The following DSCAM variants were observed in gnomAD, a reference collection of about 807,000 sequenced individuals.
DSCAM encodes DS cell adhesion molecule, also known as cell adhesion molecule DSCAM.
A neutral mutation model predicts 217.7 loss-of-function variants in DSCAM; 47 were observed. The ratio of observed to expected loss-of-function variants is 0.22; its 90% confidence interval spans 0.17 to 0.28. The LOEUF is 0.28. Among genes scored for constraint, DSCAM ranks in the 10% least tolerant of loss-of-function variants. The pLI is 1.00. For missense variants in DSCAM, 2,080 were observed against 2,618.3 expected, an observed-to-expected ratio of 0.79 and a Z score of 4.49; for synonymous variants, 1,056 against 1,015.3, an observed-to-expected ratio of 1.04 and a Z score of -0.76.
intron 3 of DSCAM, among the ~76,000 whole-genome samples, chr21:40,575,651 G>T (rs1251652887): frequency 1.3e-5 from 2 of 152,028 alleles, no homozygotes; most frequent in African/African-American, 2.4e-5. Flanking sequence ...AAAAATAAAA[G>T]AATTAGGCTT....
At chr21:40,488,934 A>G (rs1015790683) in intron 3 of DSCAM, among the ~76,000 whole-genome samples, 2 of 152,218 alleles carry the variant, frequency 1.3e-5, no homozygotes, top group Admixed American at 6.5e-5. Context: ...AAAGAATATT[A>G]TAGGAGATTC....
At chr21:40,698,701 T>C (rs7280213) in intron 2 of DSCAM, among the ~76,000 whole-genome samples, 151,887 of 151,894 alleles carry the variant, frequency 1, 75,940 homozygotes, top group Middle Eastern at 1. Flanking sequence ...GAAACCCCAT[T>C]TTTACTAAAA....
intron 9 of DSCAM, among the ~76,000 whole-genome samples, chr21:40,303,187 C>A (rs2074035368): frequency 6.6e-6 from 1 of 152,084 alleles, no homozygotes. Flanking sequence ...GACAATTAAA[C>A]CTATTGCTTT....
chr21:40,482,836 G>T (rs2075994378), intron 3 of DSCAM, among the ~76,000 whole-genome samples: 1 of 152,176 alleles, frequency 6.6e-6, no homozygotes, highest in Non-Finnish European at 1.5e-5. Context: ...TAGAGAAGGT[G>T]GAATGAGGTG....
intron 3 of DSCAM, among the ~76,000 whole-genome samples, chr21:40,534,875 G>T (rs963282189): frequency 3.3e-5 from 5 of 152,038 alleles, no homozygotes; most frequent in African/African-American, 9.7e-5. Flanking sequence ...CGGTTGTAAT[G>T]ATTTCTCCCA....
chr21:40,705,897 G>A (rs1299875702), intron 2 of DSCAM, among the ~76,000 whole-genome samples: 1 of 152,156 alleles, frequency 6.6e-6, no homozygotes, highest in Non-Finnish European at 1.5e-5. Context: ...TTAGAAAGCA[G>A]TTTGTGGCCG....
intron 3 of DSCAM, among the ~76,000 whole-genome samples, chr21:40,440,130 G>A (rs1379541305): frequency 6.6e-6 from 1 of 152,236 alleles, no homozygotes; most frequent in East Asian, 1.9e-4. Flanking sequence ...AGTGGCCATG[G>A]TGAGATAGCA....
chr21:40,339,477 A>G (rs1477454999), intron 6 of DSCAM, 62 bp from the exon 7 acceptor site: 37 of 1,449,378 alleles, frequency 2.6e-5, no homozygotes, highest in Non-Finnish European at 3.3e-5. Flanking sequence ...ACTTCCAAGT[A>G]TATGTCTTTC....
At chr21:40,469,999 C>A (rs769401146) in intron 3 of DSCAM, among the ~76,000 whole-genome samples, 7 of 152,164 alleles carry the variant, frequency 4.6e-5, no homozygotes, top group Non-Finnish European at 1.0e-4. Context: ...TCTATTCCAA[C>A]ATGTTTAAAA....
intron 3 of DSCAM, among the ~76,000 whole-genome samples, chr21:40,415,448 T>C (rs1297623841): frequency 1.3e-5 from 2 of 152,150 alleles, no homozygotes; most frequent in Non-Finnish European, 2.9e-5. Context: ...GAATATGAGG[T>C]AGACAAACTA....
chr21:40,498,668 C>CATATATATAT (rs1284319297), intron 3 of DSCAM, among the ~76,000 whole-genome samples: 1 of 28,536 alleles, frequency 3.5e-5, no homozygotes. Flanking sequence ...TATATATACC[C>CATATATATAT]ATATATATAT....
intron 11 of DSCAM, among the ~76,000 whole-genome samples, chr21:40,273,557 A>G (rs2837545): frequency 6.6e-6 from 1 of 151,910 alleles, no homozygotes; most frequent in African/African-American, 2.4e-5. Flanking sequence ...GGAATACCCT[A>G]TCTAGCCTCA....
At chr21:40,130,834 T>G (rs2146684197) in intron 19 of DSCAM, among the ~76,000 whole-genome samples, 1 of 152,354 alleles carries the variant, frequency 6.6e-6, no homozygotes, top group South Asian at 2.1e-4. Flanking sequence ...TTTGCCTTTA[T>G]TAGGGTTAAG....
At chr21:40,415,943 G>A (rs569725602) in intron 3 of DSCAM, among the ~76,000 whole-genome samples, 1 of 152,100 alleles carries the variant, frequency 6.6e-6, no homozygotes, top group African/African-American at 2.4e-5. Context: ...TCTATTTTTA[G>A]GCAGAAAAAA....
chr21:40,807,895 C>G (rs1403837189), intron 1 of DSCAM, among the ~76,000 whole-genome samples: 1 of 152,192 alleles, frequency 6.6e-6, no homozygotes, highest in Non-Finnish European at 1.5e-5. Flanking sequence ...TCATGAACCA[C>G]AGTGACTTTT....
intron 3 of DSCAM, among the ~76,000 whole-genome samples, chr21:40,537,346 T>C (rs574406196): frequency 6.6e-6 from 1 of 152,282 alleles, no homozygotes; most frequent in South Asian, 2.1e-4. Context: ...TGCTGCCTTC[T>C]CCTCTTGCAA....
At chr21:40,455,362 T>A (rs991688265) in intron 3 of DSCAM, among the ~76,000 whole-genome samples, 1 of 151,884 alleles carries the variant, frequency 6.6e-6, no homozygotes, top group African/African-American at 2.4e-5. Flanking sequence ...ATATAAGCTA[T>A]CAGAATACTT....
chr21:40,639,061 C>G (rs2089844055), intron 3 of DSCAM, among the ~76,000 whole-genome samples: 1 of 144,768 alleles, frequency 6.9e-6, no homozygotes, highest in Non-Finnish European at 1.5e-5. Context: ...GTCATAGACC[C>G]ATAAATATCC....
At chr21:40,303,460 A>G (rs1227987349) in intron 9 of DSCAM, among the ~76,000 whole-genome samples, 1 of 152,062 alleles carries the variant, frequency 6.6e-6, no homozygotes, top group South Asian at 2.1e-4. Flanking sequence ...CAGCCTACCT[A>G]AAATACTATT....
Sources: allele counts gnomAD v4.1 joint callset (sites outside exome capture counted in the v4.1 genomes callset), GRCh38; gene constraint gnomAD v4.1.1; transcripts MANE v1.5; gene names NCBI Gene and HGNC (gene_info 2026-07-23, HGNC 2026-07-21).